GRM3: variants seen among roughly 807,000 people sequenced by gnomAD.
The protein encoded by GRM3 is metabotropic glutamate receptor 3.
In GRM3, 26 loss-of-function variants were observed where a neutral mutation model predicts 70.5. The ratio of observed to expected loss-of-function variants is 0.37; its 90% CI spans 0.27 to 0.51. The LOEUF is 0.51. GRM3 is among the 20% of genes least tolerant of loss of function. The probability of loss-of-function intolerance (pLI) is 0.93; values close to 1 mark genes in which losing one functional copy is unlikely to be tolerated. For missense variants in GRM3, 859 were observed against 1,123.8 expected, an observed-to-expected ratio of 0.76 and a Z score of 3.37; for synonymous variants, 443 against 434.9, an observed-to-expected ratio of 1.02 and a Z score of -0.23.
At chr7:86,678,297 T>C (rs1032689102) in intron 1 of GRM3, among the ~76,000 whole-genome samples, 5 of 151,984 alleles carry the variant, frequency 3.3e-5, no homozygotes, top group Non-Finnish European at 7.4e-5. Context: ...CACACAACTA[T>C]GAATGTCAGA....
At chr7:86,827,638 C>T (rs575686925) in intron 3 of GRM3, among the ~76,000 whole-genome samples, 10 of 152,120 alleles carry the variant, frequency 6.6e-5, no homozygotes, top group South Asian at 2.1e-4. Context: ...CCCAGCCTCC[C>T]GAGTAGCTGT....
At chr7:86,718,012 C>T (rs956580239) in intron 1 of GRM3, among the ~76,000 whole-genome samples, 2 of 132,216 alleles carry the variant, frequency 1.5e-5, no homozygotes, top group African/African-American at 5.1e-5. Context: ...CCTCTTAATT[C>T]TCATGGGTTC....
intron 4 of GRM3, among the ~76,000 whole-genome samples, chr7:86,846,164 C>A (rs572668511): frequency 6.6e-6 from 1 of 152,114 alleles, no homozygotes; most frequent in South Asian, 2.1e-4. Flanking sequence ...GGTGAGTAAG[C>A]GCCCAAATAC....
intron 1 of GRM3, among the ~76,000 whole-genome samples, chr7:86,733,118 TC>T (rs1190087011): frequency 6.6e-6 from 1 of 151,786 alleles, no homozygotes; most frequent in African/African-American, 2.4e-5. Context: ...ATCGAGACCA[TC>T]CTGGCTAACA....
intron 5 of GRM3, among the ~76,000 whole-genome samples, chr7:86,858,746 T>A (rs1798899313): frequency 6.6e-6 from 1 of 152,186 alleles, no homozygotes. Flanking sequence ...CATATCTTCT[T>A]TTTCCATAAA....
chr7:86,810,191 G>C (rs977621726), intron 3 of GRM3, among the ~76,000 whole-genome samples: 2 of 151,850 alleles, frequency 1.3e-5, no homozygotes, highest in Admixed American at 1.3e-4. Context: ...TCTATCCCAG[G>C]ATGGTTTACT....
chr7:86,789,913 G>T (rs773733232), intron 3 of GRM3, among the ~76,000 whole-genome samples: 1 of 152,206 alleles, frequency 6.6e-6, no homozygotes, highest in East Asian at 1.9e-4. Context: ...TTGCAAAACA[G>T]ATTTTTAGAG....
rs546532961 is a variant in GRM3 at position 86,732,905 on chromosome 7, A to G, written c.-140-32101A>G. Among the ~76,000 whole-genome samples the G allele has an allele frequency of 2.6e-5, 4 of 152,336 alleles. No individual in the cohort carries two copies. The East Asian group carries it at 5.8e-4, about 22-fold the overall frequency. The stretch of plus-strand genomic sequence containing the variant: ...TAGATCAGTTCTACAGACTCCAAAC[A>G]TAGTGTTGGAATACAAACCCAGCAG... On this transcript the variant is annotated intron_variant, in intron 1 of 5. Coordinates refer to ENST00000361669, the MANE Select transcript of GRM3 (RefSeq NM_000840.3).
intron 3 of GRM3, among the ~76,000 whole-genome samples, chr7:86,830,246 G>C (rs1054518127): frequency 6.6e-6 from 1 of 152,182 alleles, no homozygotes; most frequent in African/African-American, 2.4e-5. Flanking sequence ...AAGCTGATGA[G>C]TAAGCTGGGG....
At chr7:86,724,558 G>A (rs1457626616) in intron 1 of GRM3, among the ~76,000 whole-genome samples, 1 of 152,138 alleles carries the variant, frequency 6.6e-6, no homozygotes, top group Non-Finnish European at 1.5e-5. Context: ...TCCCATGGTT[G>A]GAAAGTTATC....
chr7:86,702,752 G>A (rs1197693134), intron 1 of GRM3, among the ~76,000 whole-genome samples: 8 of 151,764 alleles, frequency 5.3e-5, no homozygotes, highest in Non-Finnish European at 1.2e-4. Flanking sequence ...TTTGGCCCTG[G>A]CAAACATTTG....
chr7:86,735,496 GCAAA>G (rs1345628276), intron 1 of GRM3, among the ~76,000 whole-genome samples: 9 of 152,144 alleles, frequency 5.9e-5, no homozygotes, highest in Non-Finnish European at 7.4e-5. Flanking sequence ...TAATATGCAT[GCAAA>G]CAGTTACAAC....
At chr7:86,805,870 G>A (rs1797779734) in intron 3 of GRM3, among the ~76,000 whole-genome samples, 1 of 151,920 alleles carries the variant, frequency 6.6e-6, no homozygotes, top group Non-Finnish European at 1.5e-5. Flanking sequence ...TTTACATTAG[G>A]TATATCTCCT....
intron 3 of GRM3, among the ~76,000 whole-genome samples, chr7:86,825,527 A>AT (rs1489967226): frequency 2.0e-5 from 3 of 152,204 alleles, no homozygotes; most frequent in African/African-American, 7.2e-5. Flanking sequence ...AGGAGAAGTC[A>AT]TTTATTTTAC....
chr7:86,687,689 A>G (rs1285140322), intron 1 of GRM3, among the ~76,000 whole-genome samples: 2 of 151,972 alleles, frequency 1.3e-5, no homozygotes, highest in African/African-American at 4.8e-5. Context: ...AGTGGAAAAG[A>G]AAAGATAAAT....
chr7:86,829,529 T>G (rs1011333702), intron 3 of GRM3, among the ~76,000 whole-genome samples: 2 of 152,224 alleles, frequency 1.3e-5, no homozygotes, highest in Non-Finnish European at 2.9e-5. Flanking sequence ...TTTCTTTCAC[T>G]TGAACACTTA....
chr7:86,851,431 T>G (rs1336201325), intron 5 of GRM3, among the ~76,000 whole-genome samples: 1 of 152,138 alleles, frequency 6.6e-6, no homozygotes, highest in East Asian at 1.9e-4. Flanking sequence ...CATTTTCAGC[T>G]AAATTGTGGT....
At chr7:86,676,835 A>G (rs560504197) in intron 1 of GRM3, among the ~76,000 whole-genome samples, 7 of 152,120 alleles carry the variant, frequency 4.6e-5, no homozygotes, top group African/African-American at 1.7e-4. Context: ...AGGTGGGGTA[A>G]AGTAATGGTA....
intron 2 of GRM3, among the ~76,000 whole-genome samples, chr7:86,779,422 G>GCACA (rs531068667): frequency 1.1e-4 from 17 of 150,518 alleles, no homozygotes; most frequent in African/African-American, 4.1e-4. Flanking sequence ...GCACACGTGC[G>GCACA]CACACACACA....
Sources: gnomAD v4.1 joint callset for allele counts (sites outside exome capture counted in the v4.1 genomes callset) on GRCh38, gnomAD v4.1.1 for gene constraint, MANE v1.5 for transcripts, NCBI Gene and HGNC (gene_info 2026-07-23, HGNC 2026-07-21) for gene names.